The following ZCCHC9 variants were observed in gnomAD, a reference collection of about 807,000 sequenced individuals.
ZCCHC9 encodes zinc finger CCHC-type containing 9.
A neutral mutation model predicts 30.8 loss-of-function variants in ZCCHC9; 18 were observed. The observed-to-expected ratio is 0.58, with a 90% confidence interval of 0.40 to 0.87. The LOEUF is 0.87. Ranked by LOEUF, ZCCHC9 falls within the 40% of genes least tolerant of loss-of-function variation. The probability of loss-of-function intolerance (pLI) is 0.00; values close to 1 mark genes in which losing one functional copy is unlikely to be tolerated. For synonymous variants in ZCCHC9, 94 were observed against 106.7 expected (o/e 0.88, Z 0.73); for missense variants, 279 against 331.2 (o/e 0.84, Z 1.22).
intron 5 of ZCCHC9, among the ~76,000 whole-genome samples, chr5:81,311,616 AT>A (rs1758290534): frequency 6.6e-6 from 1 of 152,246 alleles, no homozygotes; most frequent in African/African-American, 2.4e-5. Flanking sequence ...AAAATAAAAA[AT>A]ATGAAATAAC....
At chr5:81,308,920 T>C in intron 3 of ZCCHC9, 26 bp from the exon 4 acceptor site, 1 of 1,589,900 alleles carries the variant, frequency 6.3e-7, no homozygotes, top group Non-Finnish European at 8.6e-7. Context: ...TATTGTCAAC[T>C]GAATAGGAAC....
intron 1 of ZCCHC9, chr5:81,303,765 AT>A (rs1301921593): frequency 1.3e-5 from 2 of 152,180 alleles, no homozygotes; most frequent in Non-Finnish European, 2.9e-5. Flanking sequence ...GTCAATAGGA[AT>A]TTTTCAGCTC....
intron 4 of ZCCHC9, 129 bp from the exon 5 acceptor site, chr5:81,311,082 T>A: frequency 1.1e-6 from 1 of 885,166 alleles, no homozygotes; most frequent in Admixed American, 1.9e-5. Context: ...CACCTCCCTA[T>A]GATCCTGGTC....
intron 2 of ZCCHC9, among the ~76,000 whole-genome samples, chr5:81,305,899 T>G (rs1003754989): frequency 2.6e-5 from 4 of 152,184 alleles, no homozygotes; most frequent in Non-Finnish European, 5.9e-5. Context: ...AGGATGTTCT[T>G]TATCTATGAA....
At chr5:81,302,699 G>T (rs144062578) in intron 1 of ZCCHC9, 1,893 of 152,344 alleles carry the variant, frequency 0.012, 17 homozygotes, top group Middle Eastern at 0.074. Context: ...TAAAAGGATG[G>T]TGTGTATCTA....
chr5:81,311,943 C>CTT (rs3052888), intron 5 of ZCCHC9, among the ~76,000 whole-genome samples: 26,383 of 151,984 alleles, frequency 0.17, 2,589 homozygotes, highest in Admixed American at 0.27. Context: ...GGAAAGAGCA[C>CTT]TTTTTTTTAT....
intron 1 of ZCCHC9, 103 bp from the exon 2 acceptor site, chr5:81,304,638 C>A: frequency 1.0e-6 from 1 of 968,772 alleles, no homozygotes; most frequent in Non-Finnish European, 1.5e-6. Flanking sequence ...AAAAGTTTAA[C>A]ATATGGGCAT....
In ZCCHC9 at chr5:81,312,826, G is replaced by T; in HGVS notation, c.*164G>T. 3.9e-6 allele frequency: 2 copies of T among 509,984 alleles called. No homozygotes were observed. The highest frequency in any genetic ancestry group is 7.1e-6 in the Non-Finnish European group (2 of 282,846). 31.6% of individuals were successfully genotyped at this position (509,984 alleles called of 1,614,324 possible). On this transcript the variant is annotated 3_prime_UTR_variant, in exon 6 of 6. Transcript: ENST00000407610. ...TTTTCTTTATTCTGTCTATCAAATAGTACTTCTACCACTGTTTGGAGAAAA... is the reference window on the plus strand; with the variant it reads ...TTTTCTTTATTCTGTCTATCAAATATTACTTCTACCACTGTTTGGAGAAAA...
chr5:81,310,968 C>A (rs542668497), intron 4 of ZCCHC9, among the ~76,000 whole-genome samples: 30 of 152,322 alleles, frequency 2.0e-4, no homozygotes, highest in African/African-American at 7.2e-4. Context: ...TATCTCATTT[C>A]TTTTTCCTAC....
At chr5:81,310,340 T>C (rs1758240531) in intron 4 of ZCCHC9, among the ~76,000 whole-genome samples, 1 of 152,172 alleles carries the variant, frequency 6.6e-6, no homozygotes, top group Non-Finnish European at 1.5e-5. Context: ...AAACACTGGA[T>C]ACATTTTTGT....
intron 2 of ZCCHC9, among the ~76,000 whole-genome samples, chr5:81,308,022 A>AATCTATCT (rs1554049990): frequency 0.27 from 18,263 of 68,226 alleles, 2,819 homozygotes; most frequent in Non-Finnish European, 0.28. Flanking sequence ...AAAAAAAAAA[A>AATCTATCT]ATCTATCTAT....
chr5:81,308,143 A>T lies in ZCCHC9; in HGVS notation c.385-418A>T, dbSNP rs569578430. On this transcript the variant is annotated intron_variant, in intron 2 of 5. Transcript: ENST00000407610. The stretch of plus-strand genomic sequence containing the variant: ...ACTTTAAAAGAAATATTAATTTTTT[A>T]AAATTTTGAGTACATAATTATATAC... Among the ~76,000 whole-genome samples the T allele has an allele frequency of 7.9e-5, 12 of 152,092 alleles. No individual in the cohort carries two copies. In the South Asian group the frequency reaches 1.7e-3, roughly 21 times the overall value.
chr5:81,305,245 C>T, intron 2 of ZCCHC9, 104 bp downstream of exon 2: 8 of 1,435,584 alleles, frequency 5.6e-6, no homozygotes, highest in Non-Finnish European at 7.4e-6. Context: ...CCATTATGTC[C>T]CAGATTTATA....
At chr5:81,310,546 G>C (rs1758248851) in intron 4 of ZCCHC9, among the ~76,000 whole-genome samples, 1 of 151,970 alleles carries the variant, frequency 6.6e-6, no homozygotes, top group East Asian at 1.9e-4. Flanking sequence ...TTAACATTTC[G>C]AGCATGATCA....
intron 2 of ZCCHC9, among the ~76,000 whole-genome samples, chr5:81,305,932 T>C (rs530069810): frequency 1.3e-5 from 2 of 152,308 alleles, no homozygotes; most frequent in South Asian, 2.1e-4. Flanking sequence ...AGGAAAGAGA[T>C]ACATAGGAGT....
intron 4 of ZCCHC9, chr5:81,309,292 G>A: frequency 2.9e-6 from 1 of 349,326 alleles, no homozygotes; most frequent in South Asian, 7.4e-5. Flanking sequence ...GTGAGACTAT[G>A]TCATACATTT....
chr5:81,308,737 T>C, intron 3 of ZCCHC9, 26 bp downstream of exon 3: 1 of 1,593,854 alleles, frequency 6.3e-7, no homozygotes, highest in Non-Finnish European at 8.5e-7. Context: ...AGTTTTTTGT[T>C]TTGTTCATGG....
At position 81,308,650 on chromosome 5, in the gene ZCCHC9, C is replaced by T. The variant is rs570239519; in HGVS notation, c.474C>T (p.Tyr158=). ...AAGACATGGGCACTGGGATATGTTA[C>T]AGGTGTGGGTCCACAGAGCACGAAA... is the stretch of plus-strand genomic sequence containing the variant. ...ENQDMGTGIC[Y]RCGSTEHEIT... The change falls in exon 3 of 6, where the codon TAC becomes TAT. Residue 158 remains tyrosine (Y), a synonymous_variant. Transcript: ENST00000407610. 5.1e-5 allele frequency: 82 copies of T among 1,613,934 alleles called. No individual in the cohort carries two copies. In the South Asian group the frequency reaches 7.7e-4, roughly 15 times the overall value.
chr5:81,304,880 A>T lies in ZCCHC9; in HGVS notation c.123A>T (p.Gln41His). 4 of 1,614,210 alleles carry T rather than the reference A, an allele frequency of 2.5e-6. No individual in the cohort carries two copies. The highest frequency in any genetic ancestry group is 3.4e-6 in the Non-Finnish European group (4 of 1,180,044). The part of the protein sequence containing the change: ...GTSQNLPKRK[Q>H]LEANRLSLKN... ...GCCAAAACCTACCAAAGCGTAAACA[A>T]CTTGAAGCCAATAGGCTATCCCTCA... is the stretch of plus-strand genomic sequence containing the variant. Residue 41 changes from glutamine to histidine, a missense_variant, in exon 2 of 6, where the codon CAA (glutamine) becomes CAT (histidine). By Grantham distance (24) the Gln-to-His change is conservative (BLOSUM62 0). Transcript: ENST00000407610.
Sources: allele counts gnomAD v4.1 joint callset (sites outside exome capture counted in the v4.1 genomes callset), GRCh38; gene constraint gnomAD v4.1.1; transcripts MANE v1.5; gene names NCBI Gene and HGNC (gene_info 2026-07-23, HGNC 2026-07-21).